The following TOLLIP variants were observed in gnomAD, a reference collection of about 807,000 sequenced individuals.
TOLLIP encodes the protein toll interacting protein, also known as toll-interacting protein.
In TOLLIP, 16 loss-of-function variants were observed where a neutral mutation model predicts 33.5. That is an observed-to-expected ratio of 0.48 (90% confidence interval 0.32 to 0.72). The LOEUF is 0.72. Ranked by LOEUF, TOLLIP falls within the 30% of genes least tolerant of loss-of-function variation. The probability of loss-of-function intolerance (pLI) is 0.03; values close to 1 mark genes in which losing one functional copy is unlikely to be tolerated. For missense variants in TOLLIP, 325 were observed against 396.6 expected (o/e 0.82, Z 1.53); for synonymous variants, 176 against 163.7 (o/e 1.07, Z -0.57).
rs1406340776 is a variant in TOLLIP, at chr11:1,309,483, T to C, written c.16A>G (p.Ser6Gly). Residue 6 changes from serine (S) to glycine (G), a missense_variant, in exon 1 of 6, where the codon AGC becomes GGC. Physicochemically the swap from Ser to Gly is moderately conservative, Grantham distance 56 (BLOSUM62 0). Coordinates refer to ENST00000317204, the MANE Select transcript of TOLLIP (RefSeq NM_019009.4). MATTV[S>G]TQRGPVYIGE... ...TGCCTCACCGGCCCGCGCTGAGTGC[T>C]GACGGTGGTCGCCATGGTGCTGCGG... 4 of 1,341,058 alleles carry C rather than the reference T, an allele frequency of 3.0e-6. No individual in the cohort carries two copies. In the East Asian group the frequency reaches 1.3e-4, roughly 44 times the overall value. The allele number at this position is 1,341,058 out of a possible 1,614,324, so 83.1% of individuals were successfully genotyped here.
In TOLLIP at chr11:1,309,466, C is replaced by T. The variant is rs1305371097; in HGVS notation, c.33G>A (p.Pro11=). 7.6e-7 allele frequency: 1 copy of T among 1,323,634 alleles called. No individual in the cohort carries two copies. Among genetic ancestry groups the T allele is most frequent in the Non-Finnish European group, 9.7e-7 (1 of 1,031,374 alleles). 82.0% of individuals were successfully genotyped at this position (1,323,634 alleles called of 1,614,324 possible). ...CCCGACCCTCGCCCGGCTGCCTCAC[C>T]GGCCCGCGCTGAGTGCTGACGGTGG... The part of the protein sequence containing the change: MATTVSTQRG[P]VYIGELPQDF... The change falls in exon 1 of 6, where the codon CCG becomes CCA. Residue 11 remains proline, a splice_region_variant and synonymous_variant. Transcript: ENST00000317204.
At chr11:1,293,374 C>T (rs1864014930) in intron 2 of TOLLIP, among the ~76,000 whole-genome samples, 1 of 152,172 alleles carries the variant, frequency 6.6e-6, no homozygotes, top group Admixed American at 6.5e-5. Flanking sequence ...GTGTTTAGAC[C>T]CACAGGGATG....
chr11:1,277,296 C>A lies in TOLLIP; in HGVS notation c.611-43G>T. 7 of 1,459,310 alleles carry A rather than the reference C, an allele frequency of 4.8e-6. No homozygotes were observed. Among genetic ancestry groups the A allele is most frequent in the Non-Finnish European group, 6.5e-6 (7 of 1,084,830 alleles). The allele number at this position is 1,459,310 out of a possible 1,614,324, so 90.4% of individuals were successfully genotyped here. ...GTTTGGTAAAAACGTCGGAAAGTTC[C>A]AGAAGTGCCACACTAGCTCCTGCTG... On this transcript the variant is annotated intron_variant, in intron 5 of 5. Coordinates refer to ENST00000317204, the MANE Select transcript of TOLLIP (RefSeq NM_019009.4). The surrounding 1 kb of genome is among the most constrained non-coding windows in gnomAD (Gnocchi z 4.2).
chr11:1,293,054 G>A (rs749898213), intron 2 of TOLLIP, among the ~76,000 whole-genome samples: 1 of 152,186 alleles, frequency 6.6e-6, no homozygotes, highest in Admixed American at 6.5e-5. Context: ...GCAGTGGGTG[G>A]GTGCGGGGGG....
At chr11:1,301,318 C>T (rs1263608867) in intron 1 of TOLLIP, among the ~76,000 whole-genome samples, 1 of 152,178 alleles carries the variant, frequency 6.6e-6, no homozygotes, top group Non-Finnish European at 1.5e-5. Context: ...CACAAAATGT[C>T]GACGATTCTC....
At chr11:1,295,443 G>C (rs547987390) in intron 2 of TOLLIP, 27 of 589,060 alleles carry the variant, frequency 4.6e-5, no homozygotes, top group Non-Finnish European at 7.1e-5. Flanking sequence ...CTCATCACTT[G>C]AGTTATGTTT....
chr11:1,287,122 G>C (rs962868611), intron 4 of TOLLIP, among the ~76,000 whole-genome samples: 38 of 152,024 alleles, frequency 2.5e-4, no homozygotes, highest in African/African-American at 9.2e-4. Flanking sequence ...CTGTGGATAA[G>C]TCACTGCACC....
intron 1 of TOLLIP, among the ~76,000 whole-genome samples, chr11:1,299,719 C>T (rs5743921): frequency 0.016 from 2,468 of 152,314 alleles, 49 homozygotes; most frequent in African/African-American, 0.056. Context: ...TCTAAATGCC[C>T]GTGTGAAGGC....
intron 4 of TOLLIP, among the ~76,000 whole-genome samples, chr11:1,286,554 T>C (rs974563371): frequency 1.3e-5 from 2 of 152,104 alleles, no homozygotes; most frequent in Non-Finnish European, 1.5e-5. Context: ...AACTGTCAAC[T>C]GCGGATAAGT....
chr11:1,303,806 TGGGC>T lies in TOLLIP; in HGVS notation c.33+5656_33+5659del, dbSNP rs1864350917. On this transcript the variant is annotated intron_variant, in intron 1 of 5. Transcript: ENST00000317204. This position sits in a 1 kb window ranked among gnomAD's most constrained non-coding sequence, Gnocchi z 4.2. Reference sequence around the variant, plus strand: ...ATCCCAAAACTTTGGGAGGCTGAGGTGGGCGGATCACTTGAGACCAGGAGTTCGA... The same window carrying T: ...ATCCCAAAACTTTGGGAGGCTGAGGTGGATCACTTGAGACCAGGAGTTCGA... 3.3e-5 allele frequency among the ~76,000 whole-genome samples: 5 copies of T among 152,016 alleles called. No homozygotes were observed. Among genetic ancestry groups the T allele is most frequent in the African/African-American group, 1.2e-4 (5 of 41,388 alleles).
intron 1 of TOLLIP, among the ~76,000 whole-genome samples, chr11:1,304,422 T>A (rs1864368954): frequency 6.6e-6 from 1 of 151,858 alleles, no homozygotes; most frequent in Admixed American, 6.6e-5. Context: ...CCAGAAGGGA[T>A]AAGAAAAGAG....
At chr11:1,298,593 G>A (rs924842335) in intron 1 of TOLLIP, 2 of 152,214 alleles carry the variant, frequency 1.3e-5, no homozygotes, top group Admixed American at 6.5e-5. Context: ...ATATCCAAAG[G>A]CCTAATGATC....
Position 1,277,376 on chromosome 11 carries a change from T to C in TOLLIP, c.611-123A>G. 1.5e-5 allele frequency: 12 copies of C among 784,734 alleles called. No homozygotes were observed. The highest frequency in any genetic ancestry group is 2.3e-5 in the Non-Finnish European group (12 of 517,464). 48.6% of individuals were successfully genotyped at this position (784,734 alleles called of 1,614,324 possible). A position where few individuals can be genotyped will look rare whatever the true frequency, so the allele number is the denominator to read the frequency against. On this transcript the variant is annotated intron_variant, in intron 5 of 5. Transcript: ENST00000317204. The surrounding 1 kb of genome is among the most constrained non-coding windows in gnomAD (Gnocchi z 4.2). ...TCCCTGAGGAAGGGGCCACCTCGGG[T>C]CTCAGCAAACACCAGTCCCGCAAGA...
At chr11:1,281,534 C>T (rs777020468) in intron 5 of TOLLIP, among the ~76,000 whole-genome samples, 1 of 152,216 alleles carries the variant, frequency 6.6e-6, no homozygotes, top group African/African-American at 2.4e-5. Flanking sequence ...CCGAGACCTG[C>T]ACCCTGTGCG....
chr11:1,289,558 A>G (rs1023659652), intron 3 of TOLLIP, among the ~76,000 whole-genome samples: 2 of 151,860 alleles, frequency 1.3e-5, no homozygotes, highest in African/African-American at 4.8e-5. Flanking sequence ...AGGCAGCCGC[A>G]CTCTCTGGAA....
At chr11:1,285,084 C>A (rs1480638532) in intron 5 of TOLLIP, among the ~76,000 whole-genome samples, 2 of 152,200 alleles carry the variant, frequency 1.3e-5, no homozygotes, top group Non-Finnish European at 2.9e-5. Flanking sequence ...CCGCCCCAAC[C>A]CCAAAGCAGC....
In TOLLIP at chr11:1,293,208, G is replaced by A. The variant is rs560282749; in HGVS notation, c.183+2437C>T. Among the ~76,000 whole-genome samples the A allele has an allele frequency of 3.3e-5, 5 of 152,348 alleles. No individual in the cohort carries two copies. The South Asian group carries it at 6.2e-4, about 19-fold the overall frequency. ...GTGTGGGGCAGCCACCTGCGGACAC[G>A]GGGGAGAAGCCGGGAGGGTGGCCCG... is the stretch of plus-strand genomic sequence containing the variant. On this transcript the variant is annotated intron_variant, in intron 2 of 5. Coordinates refer to ENST00000317204, the MANE Select transcript of TOLLIP (RefSeq NM_019009.4).
chr11:1,302,885 CGCCGT>C, intron 1 of TOLLIP: 2 of 746,140 alleles, frequency 2.7e-6, no homozygotes, highest in Non-Finnish European at 3.3e-6. Context: ...AGCACTCATT[CGCCGT>C]GCCTTGTCTC....
intron 5 of TOLLIP, among the ~76,000 whole-genome samples, chr11:1,283,819 G>A (rs1305034264): frequency 6.6e-6 from 1 of 152,196 alleles, no homozygotes; most frequent in Non-Finnish European, 1.5e-5. Flanking sequence ...AGAGCGCCCG[G>A]CCCAGAAGTT....
Sources: gnomAD v4.1 joint callset for allele counts (sites outside exome capture counted in the v4.1 genomes callset) on GRCh38, gnomAD v4.1.1 for gene constraint, Gnocchi (gnomAD v3.1) non-coding constraint, MANE v1.5 for transcripts, NCBI Gene and HGNC (gene_info 2026-07-23, HGNC 2026-07-21) for gene names.